The following WDFY2 variants were observed in gnomAD, a reference collection of about 807,000 sequenced individuals.
WDFY2 encodes the protein WD repeat and FYVE domain containing 2.
In WDFY2, 36 loss-of-function variants were observed where a neutral mutation model predicts 56.4. The ratio of observed to expected loss-of-function variants is 0.64; its 90% confidence interval spans 0.49 to 0.84. The LOEUF (loss-of-function observed/expected upper bound fraction) is 0.84, where lower values mean the gene tolerates loss of function less well. Ranked by LOEUF, WDFY2 falls within the 40% of genes least tolerant of loss-of-function variation. The pLI, the probability that WDFY2 is intolerant of heterozygous loss-of-function variation, is 0.00. For missense variants in WDFY2, 444 were observed against 512.2 expected (o/e 0.87, Z 1.29); for synonymous variants, 176 against 183.7 (o/e 0.96, Z 0.34).
intron 2 of WDFY2, among the ~76,000 whole-genome samples, chr13:51,662,855 G>A (rs961413440): frequency 1.3e-5 from 2 of 152,296 alleles, no homozygotes; most frequent in African/African-American, 4.8e-5. Flanking sequence ...TGCCTTCGGT[G>A]TTCTACTAAA....
chr13:51,717,665 T>C (rs1952387810), intron 4 of WDFY2, among the ~76,000 whole-genome samples: 4 of 152,080 alleles, frequency 2.6e-5, no homozygotes, highest in Admixed American at 2.6e-4. Context: ...AGAACTTGAA[T>C]TGAACATTTG....
intron 1 of WDFY2, among the ~76,000 whole-genome samples, chr13:51,612,420 T>G (rs1325460028): frequency 1.3e-5 from 2 of 152,244 alleles, no homozygotes; most frequent in African/African-American, 4.8e-5. Context: ...TTAACTTGGC[T>G]GACATAAATT....
intron 7 of WDFY2, among the ~76,000 whole-genome samples, chr13:51,748,331 G>GA (rs549783464): frequency 6.5e-4 from 99 of 152,290 alleles, no homozygotes; most frequent in African/African-American, 2.2e-3. Flanking sequence ...TCCTTTGTTG[G>GA]ATGTGCTCTT....
chr13:51,739,215 A>G, intron 7 of WDFY2, 40 bp downstream of exon 7: 1 of 1,543,904 alleles, frequency 6.5e-7, no homozygotes, highest in Non-Finnish European at 8.8e-7. Context: ...CTGAGAAAAG[A>G]TTCTCAGCTG....
intron 1 of WDFY2, among the ~76,000 whole-genome samples, chr13:51,620,150 G>A (rs898333659): frequency 4.0e-5 from 5 of 125,208 alleles, no homozygotes; most frequent in African/African-American, 1.5e-4. Context: ...TTAGATAAAT[G>A]TTCCTTTTAA....
chr13:51,624,303 C>T (rs971862776), intron 1 of WDFY2, among the ~76,000 whole-genome samples: 5 of 152,200 alleles, frequency 3.3e-5, no homozygotes, highest in African/African-American at 9.7e-5. Flanking sequence ...CCCCCAAGAA[C>T]TGTGGTGCTA....
At chr13:51,759,281 A>C (rs1413483170) in intron 11 of WDFY2, among the ~76,000 whole-genome samples, 1 of 152,198 alleles carries the variant, frequency 6.6e-6, no homozygotes, top group African/African-American at 2.4e-5. Flanking sequence ...GTTTAAATGG[A>C]AAGGACACAG....
Position 51,651,239 on chromosome 13 carries a change from T to A in WDFY2, c.138-9357T>A, listed in dbSNP as rs188177677. On this transcript the variant is annotated intron_variant, in intron 1 of 11. Coordinates refer to ENST00000298125, the MANE Select transcript of WDFY2 (RefSeq NM_052950.4). ...AGTATTCTCTGATAGTAGTTTGTAT[T>A]TCTGTGGGATCGGTGGTGATATCCC... Among the ~76,000 whole-genome samples, 9 of 152,370 alleles carry A rather than the reference T, an allele frequency of 5.9e-5. No homozygotes were observed. The East Asian group carries it at 1.7e-3, about 29-fold the overall frequency.
At chr13:51,605,634 C>T (rs533829689) in intron 1 of WDFY2, among the ~76,000 whole-genome samples, 1 of 152,264 alleles carries the variant, frequency 6.6e-6, no homozygotes, top group South Asian at 2.1e-4. Context: ...TGGAAAGTTT[C>T]ACATTACATA....
intron 8 of WDFY2, chr13:51,752,922 C>G (rs1953269261): frequency 6.6e-6 from 1 of 152,176 alleles, no homozygotes; most frequent in South Asian, 2.1e-4. Context: ...CTTGGGAGGT[C>G]TGCGACATAT....
chr13:51,627,285 C>T (rs1320303054), intron 1 of WDFY2, among the ~76,000 whole-genome samples: 2 of 152,110 alleles, frequency 1.3e-5, no homozygotes, highest in Admixed American at 6.5e-5. Context: ...GTGTGGTGAG[C>T]GGGAAGGGGC....
chr13:51,650,082 C>G (rs1955345048), intron 1 of WDFY2, among the ~76,000 whole-genome samples: 1 of 151,924 alleles, frequency 6.6e-6, no homozygotes, highest in African/African-American at 2.4e-5. Flanking sequence ...TTTGTGTCCT[C>G]TTTTATTTCG....
At chr13:51,710,091 G>A (rs1278463406) in intron 4 of WDFY2, among the ~76,000 whole-genome samples, 2 of 152,126 alleles carry the variant, frequency 1.3e-5, no homozygotes, top group African/African-American at 4.8e-5. Flanking sequence ...TATCCACCAC[G>A]ATCAAGTAGG....
At chr13:51,718,251 G>A (rs1952404239) in intron 4 of WDFY2, among the ~76,000 whole-genome samples, 1 of 152,148 alleles carries the variant, frequency 6.6e-6, no homozygotes, top group Non-Finnish European at 1.5e-5. Flanking sequence ...GTTGCAGGAT[G>A]TCAGTCTTTG....
At chr13:51,673,868 G>T (rs1955843515) in intron 2 of WDFY2, among the ~76,000 whole-genome samples, 1 of 152,050 alleles carries the variant, frequency 6.6e-6, no homozygotes, top group African/African-American at 2.4e-5. Flanking sequence ...GGAAGTTTTT[G>T]GGGGAAATTC....
At chr13:51,728,978 T>TA (rs1952663292) in intron 6 of WDFY2, among the ~76,000 whole-genome samples, 1 of 152,156 alleles carries the variant, frequency 6.6e-6, no homozygotes, top group African/African-American at 2.4e-5. Flanking sequence ...TCATTCCACT[T>TA]ACTGTTTCCC....
intron 1 of WDFY2, among the ~76,000 whole-genome samples, chr13:51,654,046 CT>C (rs1321026932): frequency 2.0e-5 from 3 of 152,210 alleles, no homozygotes; most frequent in African/African-American, 4.8e-5. Context: ...CTGTGGTGGG[CT>C]TCACCCAGTT....
chr13:51,756,369 A>T lies in WDFY2; in HGVS notation c.971A>T (p.Lys324Met). 6.2e-7 allele frequency: 1 copy of T among 1,613,944 alleles called. No homozygotes were observed. The highest frequency in any genetic ancestry group is 1.7e-5 in the Admixed American group (1 of 59,988). The part of the protein sequence containing the change: ...CRKCGKAVCG[K>M]CSSKRSSIPL... ...AAGTGTGGGAAGGCCGTCTGTGGCA[A>T]GTGCAGCTCCAAGCGCTCCTCCATC... is the stretch of plus-strand genomic sequence containing the variant. Residue 324 changes from lysine to methionine, a missense_variant, in exon 10 of 12, where the codon AAG (lysine) becomes ATG (methionine). Physicochemically the swap from Lys to Met is moderately conservative, Grantham distance 95. Coordinates refer to ENST00000298125, the MANE Select transcript of WDFY2 (RefSeq NM_052950.4).
At chr13:51,737,103 A>C (rs1391100417) in intron 6 of WDFY2, among the ~76,000 whole-genome samples, 1 of 152,180 alleles carries the variant, frequency 6.6e-6, no homozygotes, top group Non-Finnish European at 1.5e-5. Flanking sequence ...GGAGTGGCTT[A>C]GTCAGTCAAG....
Sources: gnomAD v4.1 joint callset for allele counts (sites outside exome capture counted in the v4.1 genomes callset) on GRCh38, gnomAD v4.1.1 for gene constraint, MANE v1.5 for transcripts, NCBI Gene and HGNC (gene_info 2026-07-23, HGNC 2026-07-21) for gene names.